RAB19: variants seen among roughly 807,000 people sequenced by gnomAD.
RAB19 encodes the protein RAB19, member RAS oncogene family.
A neutral mutation model predicts 17.3 loss-of-function variants in RAB19; 21 were observed. The observed-to-expected ratio is 1.21, with a 90% CI of 0.86 to 1.74. The LOEUF is 1.74. Among genes scored for constraint, RAB19 ranks in the 40% most tolerant of loss-of-function variants. RAB19 has a pLI of 0.00. For missense variants in RAB19, 277 were observed against 286.8 expected (o/e 0.97, Z 0.25); for synonymous variants, 126 against 110.4 (o/e 1.14, Z -0.88).
chr7:140,409,725 G>A (rs1274620388), intron 2 of RAB19, among the ~76,000 whole-genome samples: 2 of 151,518 alleles, frequency 1.3e-5, no homozygotes, highest in African/African-American at 4.9e-5. Flanking sequence ...TGGGCGTGGT[G>A]GCTCACGCCT....
Position 140,426,380 on chromosome 7 carries a change from C to A in RAB19, c.*230C>A. 1.9e-6 allele frequency: 1 copy of A among 521,034 alleles called. No individual in the cohort carries two copies. The highest frequency in any genetic ancestry group is 3.1e-5 in the East Asian group (1 of 32,718). The allele number at this position is 521,034 out of a possible 1,614,324, so 32.3% of individuals were successfully genotyped here. A position where few individuals can be genotyped will look rare whatever the true frequency, so the allele number is the denominator to read the frequency against. ...CCATTGTTTTCACTGACTCTTGACTCCTGGAGAAGGCAGGACTTCAGGCTA... is the reference window on the plus strand; with the variant it reads ...CCATTGTTTTCACTGACTCTTGACTACTGGAGAAGGCAGGACTTCAGGCTA... On this transcript the variant is annotated 3_prime_UTR_variant, in exon 4 of 4. Coordinates refer to ENST00000537763, the MANE Select transcript of RAB19 (RefSeq NM_001008749.3).
chr7:140,410,937 C>T (rs756112778), intron 2 of RAB19: 12 of 1,367,672 alleles, frequency 8.8e-6, no homozygotes, highest in Non-Finnish European at 1.1e-5. Context: ...GAGAACATTC[C>T]AAACATGAAC....
At position 140,411,900 on chromosome 7, in the gene RAB19, G is replaced by A. The variant is rs867752817; in HGVS notation, c.228G>A (p.Gln76=). 1.2e-6 allele frequency: 2 copies of A among 1,614,166 alleles called. No homozygotes were observed. Among genetic ancestry groups the A allele is most frequent in the Middle Eastern group, 3.3e-4 (2 of 6,062 alleles). ...VKMQVWDTAG[Q]ERFRTITQSY... is the part of the protein sequence containing the mutation. The stretch of plus-strand genomic sequence containing the variant: ...TGCAGGTGTGGGACACAGCTGGCCA[G>A]GAGCGCTTCCGCACCATCACCCAAA... Residue 76 remains glutamine (Q), a synonymous_variant, in exon 3 of 4, where the codon CAG becomes CAA. Transcript: ENST00000537763.
chr7:140,411,157 T>C (rs1469662787), intron 2 of RAB19: 1 of 1,347,192 alleles, frequency 7.4e-7, no homozygotes, highest in Non-Finnish European at 9.9e-7. Context: ...CTCAGCACTT[T>C]GGGAGGCCGA....
intron 3 of RAB19, among the ~76,000 whole-genome samples, chr7:140,420,420 CAAAAAA>C (rs560889183): frequency 2.1e-3 from 182 of 87,272 alleles, no homozygotes; most frequent in Middle Eastern, 6.1e-3. Flanking sequence ...GACTCCATAT[CAAAAAA>C]AAAAAAAAAA....
At position 140,410,077 on chromosome 7, in the gene RAB19, G is replaced by A. The variant is rs773559414; in HGVS notation, c.202-1797G>A. Among the ~76,000 whole-genome samples the A allele has an allele frequency of 9.7e-4, 147 of 150,950 alleles. 3 individuals are homozygous for A. The highest frequency in any genetic ancestry group is 1.1e-3 in the Admixed American group (16 of 15,194). ...AAGAAATCAACAGAAAGGGCTAGAT[G>A]AAGCAAGTAACAAAATCTCATTAAT... On this transcript the variant is annotated intron_variant, in intron 2 of 3. Transcript: ENST00000537763.
chr7:140,404,953 C>G (rs1164157302), intron 1 of RAB19, among the ~76,000 whole-genome samples: 6 of 152,142 alleles, frequency 3.9e-5, no homozygotes, highest in African/African-American at 1.4e-4. Flanking sequence ...AGGGAGGTGT[C>G]AATCCCACAG....
intron 3 of RAB19, among the ~76,000 whole-genome samples, chr7:140,414,498 G>A (rs1799420439): frequency 6.6e-6 from 1 of 152,188 alleles, no homozygotes; most frequent in African/African-American, 2.4e-5. Flanking sequence ...AGGAATCTCA[G>A]AATGTTTGCT....
At chr7:140,411,273 G>C (rs750132876) in intron 2 of RAB19, among the ~76,000 whole-genome samples, 10 of 152,118 alleles carry the variant, frequency 6.6e-5, no homozygotes, top group Non-Finnish European at 1.5e-4. Flanking sequence ...GGTGGCGGGC[G>C]CCTGTAGTCC....
rs1976852 is a variant in RAB19, at chr7:140,427,783, T to G, written c.*1633T>G. ...TATTATTATTATTGTAGAAATGAAGTCTTGCTACGTTGCCCAGGCTGGTCT... is the reference window on the plus strand; with the variant it reads ...TATTATTATTATTGTAGAAATGAAGGCTTGCTACGTTGCCCAGGCTGGTCT... On this transcript the variant is annotated 3_prime_UTR_variant, in exon 4 of 4. Transcript: ENST00000537763. Among the ~76,000 whole-genome samples, 3,147 of 151,312 alleles carry G rather than the reference T, an allele frequency of 0.021. 103 individuals are homozygous for G. Among genetic ancestry groups the G allele is most frequent in the African/African-American group, 0.072 (2,960 of 41,178 alleles).
intron 3 of RAB19, among the ~76,000 whole-genome samples, chr7:140,414,680 C>T (rs1310008587): frequency 1.3e-5 from 2 of 152,200 alleles, no homozygotes; most frequent in African/African-American, 2.4e-5. Flanking sequence ...CGTGGCCTCC[C>T]TGCCTGAATC....
chr7:140,420,801 C>T (rs28667371), intron 3 of RAB19, among the ~76,000 whole-genome samples: 1 of 152,086 alleles, frequency 6.6e-6, no homozygotes, highest in Admixed American at 6.6e-5. Flanking sequence ...ACATATGTTG[C>T]AAACATCATC....
chr7:140,416,837 C>T (rs1197673259), intron 3 of RAB19, among the ~76,000 whole-genome samples: 1 of 152,180 alleles, frequency 6.6e-6, no homozygotes, highest in African/African-American at 2.4e-5. Context: ...ACCTATAAAT[C>T]CCAGCACTTT....
chr7:140,411,190 G>A (rs1235217259), intron 2 of RAB19: 3 of 1,178,078 alleles, frequency 2.5e-6, no homozygotes, highest in South Asian at 1.2e-5. Flanking sequence ...ACAAGGTCAG[G>A]AGATCGAGAC....
chr7:140,415,760 C>T (rs888467839), intron 3 of RAB19, among the ~76,000 whole-genome samples: 7 of 123,072 alleles, frequency 5.7e-5, no homozygotes, highest in Non-Finnish European at 1.4e-4. Flanking sequence ...CAAAAATTAG[C>T]CAGATGTGGT....
chr7:140,412,367 G>A lies in RAB19; in HGVS notation c.385+310G>A, dbSNP rs566160024. On this transcript the variant is annotated intron_variant, in intron 3 of 3. Coordinates refer to ENST00000537763, the MANE Select transcript of RAB19 (RefSeq NM_001008749.3). ...CTCGGGAGGCTGAGGCAGGAGAATCGCTTGAACCCAGGAGGCAGAGGTTGC... is the reference window on the plus strand; with the variant it reads ...CTCGGGAGGCTGAGGCAGGAGAATCACTTGAACCCAGGAGGCAGAGGTTGC... Among the ~76,000 whole-genome samples the A allele has an allele frequency of 7.9e-5, 12 of 152,136 alleles. No homozygotes were observed. The South Asian group carries it at 1.7e-3, about 21-fold the overall frequency.
intron 1 of RAB19, among the ~76,000 whole-genome samples, chr7:140,407,015 A>G (rs968681712): frequency 3.3e-5 from 5 of 152,020 alleles, no homozygotes; most frequent in Admixed American, 2.0e-4. Flanking sequence ...CCTCCCGAAT[A>G]GCTGAGATTA....
intron 2 of RAB19, 111 bp downstream of exon 2, chr7:140,407,958 G>A (rs1255805689): frequency 5.6e-5 from 47 of 838,226 alleles, no homozygotes; most frequent in Admixed American, 1.1e-4. Context: ...TCCGCCTCCC[G>A]GGTTCATGCC....
chr7:140,418,803 G>A (rs1490658687), intron 3 of RAB19, among the ~76,000 whole-genome samples: 4 of 149,722 alleles, frequency 2.7e-5, no homozygotes, highest in African/African-American at 7.4e-5. Context: ...AGTCTGCAGT[G>A]AGCTGTGATC....
Sources: allele counts gnomAD v4.1 joint callset (sites outside exome capture counted in the v4.1 genomes callset), GRCh38; gene constraint gnomAD v4.1.1; transcripts MANE v1.5; gene names NCBI Gene and HGNC (gene_info 2026-07-23, HGNC 2026-07-21).